CKAP5: variants seen among roughly 807,000 people sequenced by gnomAD.
The protein encoded by CKAP5 is cytoskeleton-associated protein 5.
Under a neutral mutation model 232.8 loss-of-function variants are expected in CKAP5, and 27 were observed. The observed-to-expected ratio is 0.12, with a 90% CI of 0.09 to 0.16. The LOEUF (loss-of-function observed/expected upper bound fraction) is 0.16, where lower values mean the gene tolerates loss of function less well. CKAP5 is among the 10% of genes least tolerant of loss of function. CKAP5 has a pLI of 1.00. For synonymous variants in CKAP5, 785 were observed against 841.1 expected, an observed-to-expected ratio of 0.93 and a Z score of 1.16; for missense variants, 1,838 against 2,424.7, an observed-to-expected ratio of 0.76 and a Z score of 5.08.
intron 8 of CKAP5, 125 bp from the exon 9 acceptor site, chr11:46,801,429 G>C: frequency 1.5e-6 from 1 of 654,856 alleles, no homozygotes. Context: ...CAGCACTTTG[G>C]GAGGCCAAGG....
At position 46,767,657 on chromosome 11, in the gene CKAP5, G is replaced by A; in HGVS notation, c.3329C>T (p.Ala1110Val). Residue 1110 changes from alanine (A) to valine (V), a missense_variant, in exon 27 of 44, where the codon GCT becomes GTT. By Grantham distance (64) the Ala-to-Val change is moderately conservative (BLOSUM62 0). Transcript: ENST00000529230. ...TGTACTGCTGGAAATACAATCTTCAGCAGGTGCTTTGAGGAAAAAAATATA... is the reference window on the plus strand; with the variant it reads ...TGTACTGCTGGAAATACAATCTTCAACAGGTGCTTTGAGGAAAAAAATATA... ...PAKFQPASAP[A>V]EDCISSSTEP... 1 of 1,606,468 alleles carries A rather than the reference G, an allele frequency of 6.2e-7. No individual in the cohort carries two copies. The highest frequency in any genetic ancestry group is 8.5e-7 in the Non-Finnish European group (1 of 1,175,840).
intron 24 of CKAP5, among the ~76,000 whole-genome samples, chr11:46,773,956 C>A (rs376225809): frequency 1.1e-4 from 17 of 152,174 alleles, no homozygotes; most frequent in African/African-American, 4.1e-4. Context: ...CTTTGAAAAC[C>A]GGCATAAGAC....
chr11:46,844,144 C>T (rs1456692177), intron 1 of CKAP5, among the ~76,000 whole-genome samples: 1 of 151,862 alleles, frequency 6.6e-6, no homozygotes, highest in Non-Finnish European at 1.5e-5. Context: ...ATCGCTTGAA[C>T]CCAGGAGGCA....
At chr11:46,762,291 A>C in intron 31 of CKAP5, 98 bp from the exon 32 acceptor site, 1 of 1,222,434 alleles carries the variant, frequency 8.2e-7, no homozygotes, top group Non-Finnish European at 1.2e-6. Context: ...ATGAAGGACT[A>C]AAACCTTACT....
rs755566921 is a variant in CKAP5 at position 46,776,306 on chromosome 11, T to C, written c.2940A>G (p.Gly980=). The C allele has an allele frequency of 1.9e-6, 3 of 1,614,022 alleles. No homozygotes were observed. The highest frequency in any genetic ancestry group is 3.3e-5 in the Admixed American group (2 of 60,018). The change falls in exon 24 of 44, where the codon GGA becomes GGG. Residue 980 remains glycine, a synonymous_variant. Transcript: ENST00000529230. ...TTTTGAGCTCTTCAGAAAGATCTTC[T>C]CCTTCCAGCCATTCCTTCATGCCAG... ...EQTGMKEWLE[G]EDLSEELKKE...
chr11:46,803,456 CAG>C (rs1939083340), intron 8 of CKAP5, among the ~76,000 whole-genome samples: 1 of 151,912 alleles, frequency 6.6e-6, no homozygotes, highest in South Asian at 2.1e-4. Context: ...TTTGTAGAAA[CAG>C]AGTTTCTTCA....
intron 18 of CKAP5, among the ~76,000 whole-genome samples, chr11:46,780,888 T>C (rs778201870): frequency 6.6e-5 from 10 of 152,182 alleles, no homozygotes; most frequent in Non-Finnish European, 1.2e-4. Flanking sequence ...CCTCCCAAAG[T>C]GCTGGGATTA....
chr11:46,806,865 G>C (rs1341204048), intron 8 of CKAP5, among the ~76,000 whole-genome samples: 1 of 152,226 alleles, frequency 6.6e-6, no homozygotes, highest in African/African-American at 2.4e-5. Flanking sequence ...AGGTAGACAA[G>C]ATAACACTCT....
chr11:46,763,288 A>AT (rs2065171448), intron 29 of CKAP5, 109 bp from the exon 30 acceptor site: 1 of 1,083,312 alleles, frequency 9.2e-7, no homozygotes, highest in Admixed American at 2.5e-5. Flanking sequence ...AAAATGACAG[A>AT]TTTTTAAGCC....
At chr11:46,779,623 CT>C (rs140123134) in intron 20 of CKAP5, among the ~76,000 whole-genome samples, 1 of 150,884 alleles carries the variant, frequency 6.6e-6, no homozygotes. Context: ...TTCTTTCTTT[CT>C]TTTTTTTTCT....
Position 46,795,711 on chromosome 11 carries a change from C to T in CKAP5, c.1533G>A (p.Lys511=). ...TTCCAGGCAGAGGTTTGAATTCCTT[C>T]TTATCAGCAGCTAGTCCAGCTTTCT... is the stretch of plus-strand genomic sequence containing the variant. ...HGKKAGLAAD[K]KEFKPLPGRT... Residue 511 remains lysine (K), a synonymous_variant, in exon 13 of 44, where the codon AAG becomes AAA. Coordinates refer to ENST00000529230, the MANE Select transcript of CKAP5 (RefSeq NM_001008938.4). The T allele has an allele frequency of 6.2e-7, 1 of 1,614,128 alleles. No homozygotes were observed. The highest frequency in any genetic ancestry group is 8.5e-7 in the Non-Finnish European group (1 of 1,179,988).
chr11:46,758,248 G>A (rs1287904812), intron 35 of CKAP5, among the ~76,000 whole-genome samples: 4 of 151,908 alleles, frequency 2.6e-5, no homozygotes, highest in Admixed American at 6.6e-5. Context: ...TGAACTTCAC[G>A]CTCATTTCTG....
At chr11:46,797,061 T>A in intron 11 of CKAP5, 121 bp from the exon 12 acceptor site, 1 of 1,093,642 alleles carries the variant, frequency 9.1e-7, no homozygotes, top group Non-Finnish European at 1.3e-6. Flanking sequence ...TGGAACTAAG[T>A]ATAGCTTTCC....
At chr11:46,805,247 AT>A (rs1428968885) in intron 8 of CKAP5, among the ~76,000 whole-genome samples, 1 of 152,076 alleles carries the variant, frequency 6.6e-6, no homozygotes, top group Non-Finnish European at 1.5e-5. Context: ...AAATAAATAC[AT>A]CAATTAAAAA....
At chr11:46,814,131 C>CAAAAA (rs60142188) in intron 4 of CKAP5, among the ~76,000 whole-genome samples, 2 of 81,264 alleles carry the variant, frequency 2.5e-5, no homozygotes, top group Non-Finnish European at 4.5e-5. Context: ...GACCTTGTCT[C>CAAAAA]AAAAAAAAAA....
chr11:46,746,088 G>A (rs892654472), intron 42 of CKAP5, among the ~76,000 whole-genome samples: 1 of 152,208 alleles, frequency 6.6e-6, no homozygotes, highest in African/African-American at 2.4e-5. Context: ...CAGGCTGAGA[G>A]TGGATATGAT....
chr11:46,775,928 G>A (rs2134615593), intron 24 of CKAP5, among the ~76,000 whole-genome samples: 1 of 152,020 alleles, frequency 6.6e-6, no homozygotes, highest in Admixed American at 6.6e-5. Flanking sequence ...CCCATGTAAC[G>A]AACCTGCATG....
At chr11:46,800,784 T>C (rs984047278) in intron 9 of CKAP5, among the ~76,000 whole-genome samples, 2 of 152,220 alleles carry the variant, frequency 1.3e-5, no homozygotes, top group Non-Finnish European at 2.9e-5. Context: ...ACACATTTTA[T>C]ATATTAACCT....
At chr11:46,839,720 C>T (rs1940005986) in intron 1 of CKAP5, among the ~76,000 whole-genome samples, 1 of 152,126 alleles carries the variant, frequency 6.6e-6, no homozygotes, top group Admixed American at 6.6e-5. Context: ...AGAGCAAAGG[C>T]CCTGGAGACA....
Sources: gnomAD v4.1 joint callset for allele counts (sites outside exome capture counted in the v4.1 genomes callset) on GRCh38, gnomAD v4.1.1 for gene constraint, MANE v1.5 for transcripts, NCBI Gene and HGNC (gene_info 2026-07-23, HGNC 2026-07-21) for gene names.